ACER3: variants seen among roughly 807,000 people sequenced by gnomAD.
ACER3 encodes the protein alkCDase 3.
In ACER3, 16 loss-of-function variants were observed where a neutral mutation model predicts 48.9. The observed-to-expected ratio is 0.33, with a 90% CI of 0.22 to 0.50. ACER3 has a LOEUF of 0.50. Among genes scored for constraint, ACER3 ranks in the 20% least tolerant of loss-of-function variants. The pLI, the probability that ACER3 is intolerant of heterozygous loss-of-function variation, is 0.98. For synonymous variants in ACER3, 109 were observed against 107.8 expected (o/e 1.01, Z -0.07); for missense variants, 227 against 326.0 (o/e 0.70, Z 2.34).
intron 1 of ACER3, among the ~76,000 whole-genome samples, chr11:76,922,226 A>C (rs1184826773): frequency 6.6e-6 from 1 of 152,162 alleles, no homozygotes; most frequent in Middle Eastern, 3.2e-3. Flanking sequence ...CATTGTCCTT[A>C]AATGAGTTTC....
chr11:76,984,078 G>A (rs1420834367), intron 4 of ACER3, among the ~76,000 whole-genome samples: 1 of 152,064 alleles, frequency 6.6e-6, no homozygotes, highest in African/African-American at 2.4e-5. Flanking sequence ...GTGAGCCACC[G>A]CACCTGGGCT....
intron 1 of ACER3, among the ~76,000 whole-genome samples, chr11:76,923,824 A>G (rs1018015749): frequency 2.6e-5 from 4 of 152,156 alleles, no homozygotes; most frequent in African/African-American, 9.7e-5. Context: ...GTTTCTGGCT[A>G]TGTGTGTACT....
At chr11:76,900,360 G>A (rs1480207573) in intron 1 of ACER3, among the ~76,000 whole-genome samples, 2 of 152,112 alleles carry the variant, frequency 1.3e-5, no homozygotes, top group Non-Finnish European at 2.9e-5. Context: ...CAGTTGGTGT[G>A]ACTTTAAGAA....
chr11:76,871,955 A>G (rs935857780), intron 1 of ACER3, among the ~76,000 whole-genome samples: 1 of 151,964 alleles, frequency 6.6e-6, no homozygotes, highest in Non-Finnish European at 1.5e-5. Context: ...TAGGATCTCT[A>G]TTTTTTAATG....
intron 2 of ACER3, among the ~76,000 whole-genome samples, chr11:76,938,268 G>A (rs985486229): frequency 6.6e-6 from 1 of 152,044 alleles, no homozygotes; most frequent in Non-Finnish European, 1.5e-5. Flanking sequence ...GCTCACGTTG[G>A]CCTGTCAAAA....
At chr11:76,878,915 G>A (rs547706017) in intron 1 of ACER3, among the ~76,000 whole-genome samples, 2 of 152,160 alleles carry the variant, frequency 1.3e-5, no homozygotes, top group Non-Finnish European at 2.9e-5. Flanking sequence ...CCTGATGTCT[G>A]AGGATGTTGA....
intron 2 of ACER3, among the ~76,000 whole-genome samples, chr11:76,954,598 T>G (rs562999659): frequency 8.5e-6 from 1 of 117,636 alleles, no homozygotes; most frequent in South Asian, 2.8e-4. Flanking sequence ...TTGGTTTTTT[T>G]TTTTGTTTTT....
At chr11:76,897,281 T>C (rs1945957469) in intron 1 of ACER3, among the ~76,000 whole-genome samples, 1 of 152,162 alleles carries the variant, frequency 6.6e-6, no homozygotes, top group Admixed American at 6.5e-5. Flanking sequence ...TAATAGCCTT[T>C]CTAGATAATT....
chr11:76,969,538 A>G (rs1290592511), intron 3 of ACER3, among the ~76,000 whole-genome samples: 2 of 151,916 alleles, frequency 1.3e-5, no homozygotes, highest in East Asian at 1.9e-4. Flanking sequence ...AAGACTTGGA[A>G]CCAACCTAAA....
intron 1 of ACER3, among the ~76,000 whole-genome samples, chr11:76,921,648 T>C (rs1384328638): frequency 3.9e-5 from 6 of 152,208 alleles, no homozygotes; most frequent in African/African-American, 1.2e-4. Context: ...TTGGCTCTTC[T>C]TAGCCTTTTG....
chr11:76,996,704 G>C (rs925318461), intron 6 of ACER3, among the ~76,000 whole-genome samples: 2 of 145,386 alleles, frequency 1.4e-5, no homozygotes, highest in African/African-American at 2.6e-5. Flanking sequence ...ACAGGCATGA[G>C]CCACCCCACC....
chr11:76,877,955 C>A (rs562459188), intron 1 of ACER3, among the ~76,000 whole-genome samples: 101 of 151,286 alleles, frequency 6.7e-4, no homozygotes, highest in African/African-American at 2.4e-3. Flanking sequence ...ACAAATTGTG[C>A]TTATTAGTAT....
chr11:76,915,781 A>T (rs573936356), intron 1 of ACER3, among the ~76,000 whole-genome samples: 1 of 152,344 alleles, frequency 6.6e-6, no homozygotes, highest in East Asian at 1.9e-4. Context: ...GCAAACTTGG[A>T]CCTTTTCACA....
In ACER3 at chr11:77,012,202, G is replaced by A. The variant is rs575265073; in HGVS notation, c.498-2814G>A. Among the ~76,000 whole-genome samples the A allele has an allele frequency of 5.9e-5, 9 of 152,044 alleles. No individual in the cohort carries two copies. In the South Asian group the frequency reaches 6.2e-4, roughly 11 times the overall value. ...TGGCAGGCCGAGGTGGGTGGATCAC[G>A]AGGTCAAGAGATCGAGACCATCCTG... On this transcript the variant is annotated intron_variant, in intron 7 of 10. Coordinates refer to ENST00000532485, the MANE Select transcript of ACER3 (RefSeq NM_018367.7).
intron 1 of ACER3, among the ~76,000 whole-genome samples, chr11:76,896,687 G>A (rs189517453): frequency 6.6e-6 from 1 of 152,266 alleles, no homozygotes; most frequent in Admixed American, 6.5e-5. Flanking sequence ...ACTTTGAGAT[G>A]TATGTTAGAC....
intron 1 of ACER3, chr11:76,868,029 A>C: frequency 1.9e-6 from 2 of 1,078,230 alleles, no homozygotes; most frequent in Non-Finnish European, 2.4e-6. Context: ...AAGGGGCTTT[A>C]ATCAGCTATC....
At chr11:76,996,718 C>CAT (rs1948918948) in intron 6 of ACER3, among the ~76,000 whole-genome samples, 1 of 143,548 alleles carries the variant, frequency 7.0e-6, no homozygotes, top group African/African-American at 2.7e-5. Flanking sequence ...CCCCACCCAG[C>CAT]CTTTTTTTTT....
intron 3 of ACER3, among the ~76,000 whole-genome samples, chr11:76,968,386 G>C (rs1325267362): frequency 2.6e-5 from 4 of 152,162 alleles, no homozygotes; most frequent in Admixed American, 6.5e-5. Context: ...TTTATAGATT[G>C]AATGCAATCC....
intron 1 of ACER3, among the ~76,000 whole-genome samples, chr11:76,921,190 A>T (rs906442920): frequency 6.6e-6 from 1 of 152,152 alleles, no homozygotes; most frequent in Non-Finnish European, 1.5e-5. Flanking sequence ...TGTCCTACTG[A>T]AAAAAATCAT....
Sources: allele counts gnomAD v4.1 joint callset (sites outside exome capture counted in the v4.1 genomes callset), GRCh38; gene constraint gnomAD v4.1.1; transcripts MANE v1.5; gene names NCBI Gene and HGNC (gene_info 2026-07-23, HGNC 2026-07-21).